Variants in VPS11 observed in about 807,000 individuals in gnomAD.
VPS11 encodes the protein vacuolar protein sorting-associated protein 11 homolog.
VPS11 carries 51 observed loss-of-function variants against 106.8 expected under a neutral mutation model. The observed-to-expected ratio is 0.48, with a 90% CI of 0.38 to 0.60. VPS11 has a LOEUF of 0.60. VPS11 is among the 20% of genes least tolerant of loss of function. The pLI is 0.00. For synonymous variants in VPS11, 453 were observed against 458.7 expected, an observed-to-expected ratio of 0.99 and a Z score of 0.16; for missense variants, 950 against 1,190.0, an observed-to-expected ratio of 0.80 and a Z score of 2.97.
In VPS11 at chr11:119,068,996, ACC is replaced by A. The variant is rs57666763; in HGVS notation, c.188-186_188-185del. Among the ~76,000 whole-genome samples the A allele has an allele frequency of 2.0e-3, 23 of 11,590 alleles. 1 individual carries two copies. Among genetic ancestry groups the A allele is most frequent in the South Asian group, 0.019 (4 of 214 alleles). 7.6% of individuals were successfully genotyped at this position (11,590 alleles called of 152,430 possible). On this transcript the variant is annotated intron_variant, in intron 1 of 15. Transcript: ENST00000621676. Reference sequence around the variant, plus strand: ...GAACCCCTGACCTCAGGTGATCCGCACCCCCCCCCCCCCCCGGCCTCCCAAAG... The same window carrying A: ...GAACCCCTGACCTCAGGTGATCCGCACCCCCCCCCCCCCGGCCTCCCAAAG...
At chr11:119,071,550 T>C (rs1320524743) in intron 4 of VPS11, 46 bp from the exon 5 acceptor site, 2 of 1,601,720 alleles carry the variant, frequency 1.2e-6, no homozygotes, top group Non-Finnish European at 1.7e-6. Flanking sequence ...AGGCTTAGAG[T>C]TACCTCCTCA....
chr11:119,079,154 C>T lies in VPS11; in HGVS notation c.2292C>T (p.Ser764=), dbSNP rs1169496209. 6.2e-7 allele frequency: 1 copy of T among 1,613,882 alleles called. No individual in the cohort carries two copies. The highest frequency in any genetic ancestry group is 8.5e-7 in the Non-Finnish European group (1 of 1,179,854). The change falls in exon 14 of 16, where the codon TCC becomes TCT. Residue 764 remains serine, a synonymous_variant. Transcript: ENST00000621676. ...LLVVQTLAHN[S]TATLSVIRDY... ...TGGTGCAGACCCTGGCCCACAACTC[C>T]ACAGCCACACTCTCCGTCATCAGGG... is the stretch of plus-strand genomic sequence containing the variant.
At chr11:119,073,054 A>C in intron 5 of VPS11, 144 bp from the exon 6 acceptor site, 1 of 851,126 alleles carries the variant, frequency 1.2e-6, no homozygotes, top group Non-Finnish European at 1.8e-6. Flanking sequence ...AACTACCGGC[A>C]CAGCGCTGCA....
At chr11:119,071,896 TC>T in intron 5 of VPS11, 53 bp downstream of exon 5, 1 of 1,575,914 alleles carries the variant, frequency 6.3e-7, no homozygotes, top group East Asian at 2.3e-5. Flanking sequence ...TTCCCCAGAA[TC>T]CGCCTGATTT....
Position 119,077,748 on chromosome 11 carries a change from C to T in VPS11, c.1572+101C>T, listed in dbSNP as rs182185195. On this transcript the variant is annotated intron_variant, in intron 9 of 15. Coordinates refer to ENST00000621676, the MANE Select transcript of VPS11 (RefSeq NM_021729.6). ...TCAGGTGATCCTCCCACCCCATCCT[C>T]CTGAGTGGAGGTGAGACTCTCAACT... The T allele has an allele frequency of 3.2e-5, 49 of 1,543,706 alleles. No homozygotes were observed. The South Asian group carries it at 5.4e-4, about 17-fold the overall frequency.
At chr11:119,074,458 T>G (rs1945521323) in intron 7 of VPS11, among the ~76,000 whole-genome samples, 1 of 152,038 alleles carries the variant, frequency 6.6e-6, no homozygotes, top group African/African-American at 2.4e-5. Context: ...CAGGCTGGAG[T>G]GCAATGGTGT....
chr11:119,071,062 G>A (rs930893117), intron 4 of VPS11, among the ~76,000 whole-genome samples: 1 of 151,714 alleles, frequency 6.6e-6, no homozygotes, highest in Non-Finnish European at 1.5e-5. Context: ...CTGAGTACGT[G>A]GGATTACAGG....
intron 2 of VPS11, 24 bp from the exon 3 acceptor site, chr11:119,069,418 T>A: frequency 1.2e-6 from 2 of 1,613,926 alleles, no homozygotes; most frequent in Non-Finnish European, 1.7e-6. Flanking sequence ...GACTAGCATT[T>A]ACACTTCTGA....
At chr11:119,068,998 C>CG (rs1565736211) in intron 1 of VPS11, among the ~76,000 whole-genome samples, 198 bp from the exon 2 acceptor site, 2 of 24,672 alleles carry the variant, frequency 8.1e-5, no homozygotes, top group African/African-American at 1.7e-4. Context: ...TGATCCGCAC[C>CG]CCCCCCCCCC....
At position 119,068,443 on chromosome 11, in the gene VPS11, C is replaced by CTTTTTTTTTTTTTT. The variant is rs1945208004; in HGVS notation, c.187+433_187+434insTTTTTTTTTTTTTT. 1.7e-4 allele frequency among the ~76,000 whole-genome samples: 6 copies of CTTTTTTTTTTTTTT among 35,796 alleles called. 2 individuals carry two copies. The highest frequency in any genetic ancestry group is 4.9e-4 in the Non-Finnish European group (6 of 12,250). The allele number at this position is 35,796 out of a possible 152,430, so 23.5% of individuals were successfully genotyped here. On this transcript the variant is annotated intron_variant, in intron 1 of 15. Transcript: ENST00000621676. ...CTGCTACTAAATTCTGGCCTTTTTA[C>CTTTTTTTTTTTTTT]CTTTTTTTTTTTTTTTTTTTTTTTG...
intron 4 of VPS11, 37 bp from the exon 5 acceptor site, chr11:119,071,559 C>A (rs781930838): frequency 4.4e-6 from 7 of 1,608,694 alleles, no homozygotes; most frequent in Non-Finnish European, 5.1e-6. Context: ...GTTACCTCCT[C>A]AAAGGAGCCT....
chr11:119,069,601 C>G, intron 3 of VPS11, 24 bp downstream of exon 3: 6 of 1,613,850 alleles, frequency 3.7e-6, no homozygotes, highest in Non-Finnish European at 5.1e-6. Context: ...AAAACTAACC[C>G]TCCTAGATTT....
Position 119,071,757 on chromosome 11 carries a change from C to T in VPS11, c.798C>T (p.Cys266=). 13 of 1,614,008 alleles carry T rather than the reference C, an allele frequency of 8.1e-6. No individual in the cohort carries two copies. Among genetic ancestry groups the T allele is most frequent in the Non-Finnish European group, 1.1e-5 (13 of 1,179,888 alleles). The change falls in exon 5 of 16, where the codon TGC becomes TGT. Residue 266 remains cysteine (C), a synonymous_variant. Transcript: ENST00000621676. ...ACCAGCCTGATGAACGTGGGCCCTGCTTCGCCTTTGAGGGCCATAAGCTCA... is the reference window on the plus strand; with the variant it reads ...ACCAGCCTGATGAACGTGGGCCCTGTTTCGCCTTTGAGGGCCATAAGCTCA... ...YLYQPDERGP[C]FAFEGHKLIA... is the part of the protein sequence containing the mutation.
In VPS11 at chr11:119,071,628, C is replaced by A; in HGVS notation, c.669C>A (p.Arg223=). The A allele has an allele frequency of 1.2e-6, 2 of 1,614,008 alleles. No homozygotes were observed. The highest frequency in any genetic ancestry group is 1.7e-6 in the Non-Finnish European group (2 of 1,179,894). Residue 223 remains arginine (R), a synonymous_variant, in exon 5 of 16, where the codon CGC becomes CGA. Transcript: ENST00000621676. ...SYIVSGKDYP[R]VELDTHGCGL... The stretch of plus-strand genomic sequence containing the variant: ...TAGTTTCTGGAAAAGACTACCCTCG[C>A]GTGGAGTTGGACACCCATGGTTGTG...
At chr11:119,069,952 C>G (rs541696791) in intron 3 of VPS11, among the ~76,000 whole-genome samples, 21 of 151,022 alleles carry the variant, frequency 1.4e-4, no homozygotes, top group African/African-American at 5.1e-4. Flanking sequence ...GAGCCAAGAT[C>G]GCGCCATTGC....
Position 119,077,049 on chromosome 11 carries a change from T to G in VPS11, c.1391T>G (p.Leu464Arg). The change falls in exon 8 of 16, where the codon CTC becomes CGC. Residue 464 changes from leucine to arginine, a missense_variant. Coordinates refer to ENST00000621676, the MANE Select transcript of VPS11 (RefSeq NM_021729.6). Reference protein sequence around the residue: ...TTLLLNCYTKLKDSSKLEEFI... With the variant: ...TTLLLNCYTKRKDSSKLEEFI... ...CTGCTCCTCAACTGCTATACCAAGC[T>G]CAAGGACAGCTCGAAGCTGGAGGAG... 6.2e-7 allele frequency: 1 copy of G among 1,613,552 alleles called. No individual in the cohort carries two copies. The highest frequency in any genetic ancestry group is 8.5e-7 in the Non-Finnish European group (1 of 1,179,724).
In VPS11 at chr11:119,070,278, C is replaced by T. The variant is rs782009208; in HGVS notation, c.517C>T (p.Arg173Trp). 4 of 1,612,732 alleles carry T rather than the reference C, an allele frequency of 2.5e-6. No homozygotes were observed. The highest frequency in any genetic ancestry group is 1.3e-5 in the African/African-American group (1 of 74,872). The change falls in exon 4 of 16, where the codon CGG becomes TGG. Residue 173 changes from arginine (R) to tryptophan (W), a missense_variant. By Grantham distance (101) the Arg-to-Trp change is moderately radical. Transcript: ENST00000621676. ...SVTLNKGDIT[R>W]DRHSKTQILH... is the part of the protein sequence containing the mutation. ...TACATTGAACAAAGGAGACATCACCCGGGACCGGCATAGCAAGACCCAGAT... is the reference window on the plus strand; with the variant it reads ...TACATTGAACAAAGGAGACATCACCTGGGACCGGCATAGCAAGACCCAGAT...
In VPS11 at chr11:119,078,575, A is replaced by G. The variant is rs370667441; in HGVS notation, c.1934A>G (p.Lys645Arg). Residue 645 changes from lysine (K) to arginine (R), a missense_variant, in exon 12 of 16, where the codon AAG becomes AGG. This residue lies in a region of VPS11 where 453 missense variants were observed against 514.6 expected (regional missense o/e 0.88). Coordinates refer to ENST00000621676, the MANE Select transcript of VPS11 (RefSeq NM_021729.6). ...CTCCTTCCTCTCCAGGTCAAAGAGA[A>G]GCTTCACGCAGAGGCCATTTCCCTG... is the stretch of plus-strand genomic sequence containing the variant. ...AHEKDPQVKE[K>R]LHAEAISLLK... 5.0e-6 allele frequency: 8 copies of G among 1,608,866 alleles called. No individual in the cohort carries two copies. In the African/African-American group the frequency reaches 1.1e-4, roughly 22 times the overall value.
At position 119,071,739 on chromosome 11, in the gene VPS11, T is replaced by G; in HGVS notation, c.780T>G (p.Pro260=). 1 of 1,614,022 alleles carries G rather than the reference T, an allele frequency of 6.2e-7. No homozygotes were observed. Among genetic ancestry groups the G allele is most frequent in the Non-Finnish European group, 8.5e-7 (1 of 1,179,882 alleles). The part of the protein sequence containing the change: ...AGDECVYLYQ[P]DERGPCFAFE... ...ATGAGTGTGTCTACTTGTACCAGCCTGATGAACGTGGGCCCTGCTTCGCCT... is the reference window on the plus strand; with the variant it reads ...ATGAGTGTGTCTACTTGTACCAGCCGGATGAACGTGGGCCCTGCTTCGCCT... Residue 260 remains proline, a synonymous_variant, in exon 5 of 16, where the codon CCT becomes CCG. Transcript: ENST00000621676.
Sources: allele counts gnomAD v4.1 joint callset (sites outside exome capture counted in the v4.1 genomes callset), GRCh38; gene constraint gnomAD v4.1.1; regional missense constraint gnomAD v4.1.1; transcripts MANE v1.5; gene names NCBI Gene and HGNC (gene_info 2026-07-23, HGNC 2026-07-21).